The following CRAT variants were observed in gnomAD, a reference collection of about 807,000 sequenced individuals.
CRAT encodes the protein carnitine acetylase.
Under a neutral mutation model 73.7 loss-of-function variants are expected in CRAT, and 66 were observed. The observed-to-expected ratio is 0.90, with a 90% CI of 0.73 to 1.10. The LOEUF is 1.10. Ranked by LOEUF, CRAT falls within the 50% of genes least tolerant of loss-of-function variation. The pLI is 0.00. For missense variants in CRAT, 745 were observed against 846.9 expected, an observed-to-expected ratio of 0.88 and a Z score of 1.49; for synonymous variants, 321 against 343.2, an observed-to-expected ratio of 0.94 and a Z score of 0.71.
rs938130102 is a variant in CRAT, at chr9:129,110,751, G to A, written c.-242C>T. The A allele has an allele frequency of 3.4e-6, 2 of 582,696 alleles. No homozygotes were observed. Among genetic ancestry groups the A allele is most frequent in the African/African-American group, 2.0e-5 (1 of 49,606 alleles). 36.1% of individuals were successfully genotyped at this position (582,696 alleles called of 1,614,324 possible). A position where few individuals can be genotyped will look rare whatever the true frequency, so the allele number is the denominator to read the frequency against. On this transcript the variant is annotated 5_prime_UTR_variant, in exon 1 of 14. Transcript: ENST00000318080. This position sits in a 1 kb window ranked among gnomAD's most constrained non-coding sequence, Gnocchi z 5.3. ...GGGGCCTGGGCCGGTAGCGGGCCCC[G>A]GGCGGGCAACGGTGCCCGGGAGGTT...
intron 8 of CRAT, 113 bp from the exon 9 acceptor site, chr9:129,098,763 A>T: frequency 2.4e-6 from 3 of 1,274,934 alleles, no homozygotes; most frequent in Non-Finnish European, 3.1e-6. Context: ...CAGCCCAGGG[A>T]GGTGTGAGTT....
chr9:129,102,785 CCT>C (rs1564165399), intron 4 of CRAT, among the ~76,000 whole-genome samples: 1 of 152,106 alleles, frequency 6.6e-6, no homozygotes, highest in African/African-American at 2.4e-5. Context: ...CCTCCTTTCC[CCT>C]CTCTGGGCTT....
At chr9:129,097,614 CAGG>C (rs1847362620) in intron 11 of CRAT, among the ~76,000 whole-genome samples, 1 of 151,800 alleles carries the variant, frequency 6.6e-6, no homozygotes, top group African/African-American at 2.4e-5. Context: ...GAGGCTGAGG[CAGG>C]AGGATTGCTT....
chr9:129,096,033 C>T lies in CRAT; in HGVS notation c.1630G>A (p.Ala544Thr), dbSNP rs138759626. 4.4e-5 allele frequency: 71 copies of T among 1,613,930 alleles called. No individual in the cohort carries two copies. The highest frequency in any genetic ancestry group is 2.0e-4 in the Admixed American group (12 of 60,006). The change falls in exon 13 of 14, where the codon GCC becomes ACC. Residue 544 changes from alanine (A) to threonine (T), a missense_variant. Physicochemically the swap from Ala to Thr is moderately conservative, Grantham distance 58. Transcript: ENST00000318080. ...GAGAGGTGGAAGTGCATGGCGATGGCGTAGGAGGTGTCCATGAAGATGTCG... is the reference window on the plus strand; with the variant it reads ...GAGAGGTGGAAGTGCATGGCGATGGTGTAGGAGGTGTCCATGAAGATGTCG... ...MPDIFMDTSYAIAMHFHLSTS... is the reference protein window; with the variant it reads ...MPDIFMDTSYTIAMHFHLSTS...
chr9:129,098,746 A>C, intron 8 of CRAT, 96 bp from the exon 9 acceptor site: 1 of 1,438,262 alleles, frequency 7.0e-7, no homozygotes, highest in East Asian at 2.5e-5. Flanking sequence ...CTGAAGCTGG[A>C]GGGGGCCAGC....
At position 129,110,428 on chromosome 9, in the gene CRAT, G is replaced by C. The variant is rs550075583; in HGVS notation, c.27+55C>G. ...GCGGTCTCCGTTCCCGGACGCAACC[G>C]CACGGCCCGCCCAGGCCGTCCAGGG... On this transcript the variant is annotated intron_variant, in intron 1 of 13. Transcript: ENST00000318080. The surrounding 1 kb of genome is among the most constrained non-coding windows in gnomAD (Gnocchi z 5.3). 1.7e-5 allele frequency: 26 copies of C among 1,505,288 alleles called. 2 individuals carry two copies. The South Asian group carries it at 3.2e-4, about 19-fold the overall frequency. 93.2% of individuals were successfully genotyped at this position (1,505,288 alleles called of 1,614,324 possible). A position where few individuals can be genotyped will look rare whatever the true frequency, so the allele number is the denominator to read the frequency against.
intron 7 of CRAT, 56 bp downstream of exon 7, chr9:129,100,455 G>C: frequency 1.3e-6 from 2 of 1,538,966 alleles, no homozygotes; most frequent in East Asian, 4.6e-5. Flanking sequence ...AAGTCCCGAG[G>C]CTGCAGAGGT....
At chr9:129,099,612 T>G (rs1466342593) in intron 8 of CRAT, among the ~76,000 whole-genome samples, 1 of 151,672 alleles carries the variant, frequency 6.6e-6, no homozygotes, top group African/African-American at 2.4e-5. Flanking sequence ...TTTTTTGTAT[T>G]TTTAGTAGAG....
In CRAT at chr9:129,095,300, G is replaced by A. The variant is rs1847204975; in HGVS notation, c.*97C>T. On this transcript the variant is annotated 3_prime_UTR_variant, in exon 14 of 14. Coordinates refer to ENST00000318080, the MANE Select transcript of CRAT (RefSeq NM_000755.5). ...AGATTTGGGGGGACCAGGGAAGAGG[G>A]AACCAAGGAAGAGGGAACCAAGGAG... 3.0e-5 allele frequency: 39 copies of A among 1,320,482 alleles called. 2 individuals carry two copies. The South Asian group carries it at 3.8e-4, about 13-fold the overall frequency. 81.8% of individuals were successfully genotyped at this position (1,320,482 alleles called of 1,614,324 possible).
Position 129,099,927 on chromosome 9 carries a change from C to A in CRAT, c.1024G>T (p.Glu342Ter), listed in dbSNP as rs752824004. 3 of 1,613,346 alleles carry A rather than the reference C, an allele frequency of 1.9e-6. No individual in the cohort carries two copies. Among genetic ancestry groups the A allele is most frequent in the South Asian group, 1.1e-5 (1 of 91,050 alleles). Residue 342 changes from glutamate (E) to a stop codon, truncating the protein, a stop_gained, in exon 8 of 14, where the codon GAG (glutamate) becomes TAG (stop). Coordinates refer to ENST00000318080, the MANE Select transcript of CRAT (RefSeq NM_000755.5). LOFTEE classifies it high-confidence loss of function. The stretch of plus-strand genomic sequence containing the variant: ...GGGGGCCCCTCCGCTGCAGCATGCT[C>A]GTACACAAGCCCACAGGAGCCATCT... ...AEDGSCGLVYEHAAAEGPPIV... is the reference protein window; with the variant it reads ...AEDGSCGLVY
In CRAT at chr9:129,100,595, G is replaced by A; in HGVS notation, c.900C>T (p.Tyr300=). Residue 300 remains tyrosine (Y), a synonymous_variant, in exon 7 of 14, where the codon TAC becomes TAT. Transcript: ENST00000318080. ...GCATCTGGCCTGCCACGTGGCTGCGGTACACGTCTTCTGAGACCCTGGGCA... is the reference window on the plus strand; with the variant it reads ...GCATCTGGCCTGCCACGTGGCTGCGATACACGTCTTCTGAGACCCTGGGCA... ...ATMPRVSEDV[Y]RSHVAGQMLH... The A allele has an allele frequency of 6.2e-7, 1 of 1,614,048 alleles. No homozygotes were observed. Among genetic ancestry groups the A allele is most frequent in the Non-Finnish European group, 8.5e-7 (1 of 1,180,004 alleles).
rs773176599 is a variant in CRAT at position 129,098,335 on chromosome 9, G to C, written c.1242C>G (p.Phe414Leu). 20 of 1,613,986 alleles carry C rather than the reference G, an allele frequency of 1.2e-5. No individual in the cohort carries two copies. The highest frequency in any genetic ancestry group is 1.7e-5 in the Non-Finnish European group (20 of 1,180,042). Residue 414 changes from phenylalanine (F) to leucine (L), a missense_variant, in exon 10 of 14, where the codon TTC becomes TTG. Physicochemically the swap from Phe to Leu is conservative, Grantham distance 22. Transcript: ENST00000318080. ...IQDLDITVMV[F>L]HHFGKDFPKS... ...TGGGGAAGTCTTTTCCAAAATGGTG[G>C]AACACCATCACGGTGATATCCAGGT...
At chr9:129,097,135 G>A in intron 12 of CRAT, 115 bp downstream of exon 12, 1 of 858,806 alleles carries the variant, frequency 1.2e-6, no homozygotes, top group Non-Finnish European at 1.7e-6. Flanking sequence ...GGTTGGGGGA[G>A]ATGTGGTCCT....
chr9:129,100,016 G>T, intron 7 of CRAT, 50 bp from the exon 8 acceptor site: 1 of 1,494,618 alleles, frequency 6.7e-7, no homozygotes, highest in Non-Finnish European at 9.3e-7. Flanking sequence ...CTGGGGGGTG[G>T]CCCCTCACCC....
chr9:129,108,607 G>C lies in CRAT; in HGVS notation c.28-530C>G, dbSNP rs529460197. 70 of 1,097,680 alleles carry C rather than the reference G, an allele frequency of 6.4e-5. No individual in the cohort carries two copies. In the East Asian group the frequency reaches 2.8e-3, roughly 44 times the overall value. The allele number at this position is 1,097,680 out of a possible 1,614,324, so 68.0% of individuals were successfully genotyped here. ...ATGGGGCAGGGGTGGGGTGAGGGCA[G>C]TGCTGTGGCGAGAGAGCCGGGTGGC... On this transcript the variant is annotated intron_variant, in intron 1 of 13. Transcript: ENST00000318080.
chr9:129,095,707 T>C (rs1348391302), intron 13 of CRAT, 95 bp from the exon 14 acceptor site: 3 of 1,292,750 alleles, frequency 2.3e-6, no homozygotes, highest in Non-Finnish European at 3.2e-6. Context: ...TGCAGGCCCC[T>C]TGTGGGCAGG....
chr9:129,107,254 G>A lies in CRAT; in HGVS notation c.291+560C>T, dbSNP rs368043143. 38 of 218,336 alleles carry A rather than the reference G, an allele frequency of 1.7e-4. No individual in the cohort carries two copies. In the East Asian group the frequency reaches 3.1e-3, roughly 18 times the overall value. 13.5% of individuals were successfully genotyped at this position (218,336 alleles called of 1,614,324 possible). On this transcript the variant is annotated intron_variant, in intron 2 of 13. Coordinates refer to ENST00000318080, the MANE Select transcript of CRAT (RefSeq NM_000755.5). The surrounding 1 kb of genome is among the most constrained non-coding windows in gnomAD (Gnocchi z 5.0). ...TCATCATGTTGGCCAGGCTGGTCCC[G>A]AACTCCTGACCTTGTGATCTGCCCG...
At chr9:129,100,231 A>C in intron 7 of CRAT, 2 of 581,762 alleles carry the variant, frequency 3.4e-6, no homozygotes, top group Non-Finnish European at 6.1e-6. Flanking sequence ...GTGGAGAGGG[A>C]CTGTTGTGCC....
chr9:129,097,061 C>CCCT (rs1847320836), intron 12 of CRAT, among the ~76,000 whole-genome samples, 189 bp downstream of exon 12: 1 of 144,884 alleles, frequency 6.9e-6, no homozygotes, highest in Non-Finnish European at 1.5e-5. Flanking sequence ...GAGCAAGACT[C>CCCT]CATCTCAAAA....
Sources: gnomAD v4.1 joint callset for allele counts (sites outside exome capture counted in the v4.1 genomes callset) on GRCh38, gnomAD v4.1.1 for gene constraint, Gnocchi (gnomAD v3.1) non-coding constraint, MANE v1.5 for transcripts, NCBI Gene and HGNC (gene_info 2026-07-23, HGNC 2026-07-21) for gene names.